Variants in CXXC5 observed in about 807,000 individuals in gnomAD.
CXXC5 encodes the protein CXXC-type zinc finger protein 5.
A neutral mutation model predicts 17.6 loss-of-function variants in CXXC5; 2 were observed. The observed-to-expected ratio is 0.11, with a 90% confidence interval of 0.05 to 0.36. CXXC5 has a LOEUF of 0.36. Ranked by LOEUF, CXXC5 falls within the 10% of genes least tolerant of loss-of-function variation. CXXC5 has a pLI of 1.00. For synonymous variants in CXXC5, 171 were observed against 193.0 expected (o/e 0.89, Z 0.94); for missense variants, 343 against 458.3 (o/e 0.75, Z 2.30).
rs1434394231 is a variant in CXXC5 at position 139,661,080 on chromosome 5, C to T, written c.-161+12235C>T. On this transcript the variant is annotated intron_variant, in intron 1 of 2. Coordinates refer to ENST00000302517, the MANE Select transcript of CXXC5 (RefSeq NM_016463.9). This position sits in a 1 kb window ranked among gnomAD's most constrained non-coding sequence, Gnocchi z 4.7. Reference sequence around the variant, plus strand: ...CAGGACAGCCTCCCCCACCTCCGCCCTCATGCTCTTCCCCATGCTGCAGCC... The same window carrying T: ...CAGGACAGCCTCCCCCACCTCCGCCTTCATGCTCTTCCCCATGCTGCAGCC... Among the ~76,000 whole-genome samples, 1 of 152,174 alleles carries T rather than the reference C, an allele frequency of 6.6e-6. No individual in the cohort carries two copies. The highest frequency in any genetic ancestry group is 1.5e-5 in the Non-Finnish European group (1 of 68,020).
intron 1 of CXXC5, among the ~76,000 whole-genome samples, chr5:139,669,943 C>T (rs780864356): frequency 2.0e-5 from 3 of 152,212 alleles, no homozygotes; most frequent in Non-Finnish European, 4.4e-5. Context: ...TTCTGGCTCC[C>T]GCCTCATGGG....
At chr5:139,680,209 TAAG>T (rs1757099087) in intron 1 of CXXC5, among the ~76,000 whole-genome samples, 152 bp from the exon 2 acceptor site, 1 of 152,196 alleles carries the variant, frequency 6.6e-6, no homozygotes, top group East Asian at 1.9e-4. Context: ...ATAGTACAAA[TAAG>T]AAATTTCTCA....
chr5:139,676,016 C>CCT (rs3051967), intron 1 of CXXC5, among the ~76,000 whole-genome samples: 52,349 of 151,532 alleles, frequency 0.35, 9,485 homozygotes, highest in Middle Eastern at 0.45. Flanking sequence ...TATGAGTCTC[C>CCT]CTCCTTCCAG....
At chr5:139,675,072 T>C in intron 1 of CXXC5, among the ~76,000 whole-genome samples, 1 of 152,176 alleles carries the variant, frequency 6.6e-6, no homozygotes, top group East Asian at 1.9e-4. Flanking sequence ...TTCACGCTGG[T>C]TCATGTGACT....
chr5:139,649,615 A>T (rs1755058151), intron 1 of CXXC5: 1 of 151,646 alleles, frequency 6.6e-6, no homozygotes, highest in South Asian at 2.1e-4. Flanking sequence ...CTCCCCCACC[A>T]CCACGGTGCC....
chr5:139,681,262 G>A lies in CXXC5; in HGVS notation c.739G>A (p.Gly247Arg). ...GGGCCTGGCTGAGTACCCCATGCAG[G>A]GAGAGCTGGCCTCTGCCATCAGCTC... ...MAGLAEYPMQGELASAISSGK... is the reference protein window; with the variant it reads ...MAGLAEYPMQRELASAISSGK... The change falls in exon 2 of 3, where the codon GGA becomes AGA. Residue 247 changes from glycine (G) to arginine (R), a missense_variant. Transcript: ENST00000302517. The A allele has an allele frequency of 6.2e-7, 1 of 1,612,546 alleles. No individual in the cohort carries two copies. Among genetic ancestry groups the A allele is most frequent in the Non-Finnish European group, 8.5e-7 (1 of 1,179,816 alleles).
intron 1 of CXXC5, among the ~76,000 whole-genome samples, chr5:139,653,593 C>A (rs900089989): frequency 3.3e-5 from 5 of 152,190 alleles, no homozygotes; most frequent in African/African-American, 4.8e-5. Flanking sequence ...TGGAACCCCA[C>A]AGTCCTCTGT....
intron 1 of CXXC5, among the ~76,000 whole-genome samples, chr5:139,662,653 C>T (rs185349030): frequency 1.7e-4 from 26 of 152,314 alleles, no homozygotes; most frequent in Non-Finnish European, 1.8e-4. Flanking sequence ...TCTCCATAAA[C>T]GACTGGACCG....
chr5:139,649,155 A>T (rs1428216811), intron 1 of CXXC5: 1 of 152,260 alleles, frequency 6.6e-6, no homozygotes, highest in Non-Finnish European at 1.5e-5. Context: ...AGCCTCCCTA[A>T]GCCGCAGTAT....
At chr5:139,664,184 AG>A (rs1483354562) in intron 1 of CXXC5, among the ~76,000 whole-genome samples, 1 of 149,768 alleles carries the variant, frequency 6.7e-6, no homozygotes, top group Admixed American at 6.6e-5. Context: ...AACTCCAGGG[AG>A]GAGGGTGGAT....
At chr5:139,674,130 G>A (rs1756643695) in intron 1 of CXXC5, among the ~76,000 whole-genome samples, 1 of 152,176 alleles carries the variant, frequency 6.6e-6, no homozygotes, top group Non-Finnish European at 1.5e-5. Flanking sequence ...ATAGCTGGAT[G>A]TGTGCCCTGT....
chr5:139,680,972 G>A lies in CXXC5; in HGVS notation c.449G>A (p.Arg150Gln), dbSNP rs113958458. ...GCCAGCCTGCTGAGCAAGGCAGAGC[G>A]GGCCACGGAGCTGGCAGCCGAGGGA... ...AVASLLSKAE[R>Q]ATELAAEGQL... The change falls in exon 2 of 3, where the codon CGG (arginine) becomes CAG (glutamine). Residue 150 changes from arginine to glutamine, a missense_variant. By Grantham distance (43) the Arg-to-Gln change is conservative. Transcript: ENST00000302517. The A allele has an allele frequency of 2.5e-6, 4 of 1,602,270 alleles. No individual in the cohort carries two copies. Among genetic ancestry groups the A allele is most frequent in the East Asian group, 2.2e-5 (1 of 44,882 alleles).
Position 139,680,561 on chromosome 5 carries a change from G to A in CXXC5, c.38G>A (p.Gly13Asp). Reference sequence around the variant, plus strand: ...GGCGGTGGCTCCCAGGATGCCGGCGGCAGTAGCAGCAGCAGCACCAATGGC... The same window carrying A: ...GGCGGTGGCTCCCAGGATGCCGGCGACAGTAGCAGCAGCAGCACCAATGGC... ...SLGGGSQDAG[G>D]SSSSSTNGSG... Residue 13 changes from glycine (G) to aspartate (D), a missense_variant, in exon 2 of 3, where the codon GGC becomes GAC. Coordinates refer to ENST00000302517, the MANE Select transcript of CXXC5 (RefSeq NM_016463.9). 6.3e-7 allele frequency: 1 copy of A among 1,583,278 alleles called. No individual in the cohort carries two copies. The highest frequency in any genetic ancestry group is 1.1e-5 in the South Asian group (1 of 88,256).
At chr5:139,655,791 G>T (rs1193791648) in intron 1 of CXXC5, among the ~76,000 whole-genome samples, 1 of 151,696 alleles carries the variant, frequency 6.6e-6, no homozygotes, top group Non-Finnish European at 1.5e-5. Context: ...GTGAGAGCTG[G>T]TTTTATTTAT....
intron 1 of CXXC5, among the ~76,000 whole-genome samples, chr5:139,679,012 T>G (rs1757028729): frequency 6.6e-6 from 1 of 152,170 alleles, no homozygotes; most frequent in East Asian, 1.9e-4. Flanking sequence ...GAAACCTGAG[T>G]AGAGCAGGCC....
chr5:139,655,902 A>G (rs993591232), intron 1 of CXXC5, among the ~76,000 whole-genome samples: 23 of 152,184 alleles, frequency 1.5e-4, no homozygotes, highest in Admixed American at 9.2e-4. Context: ...CCTCCCAGGA[A>G]TGTGGCTGGG....
intron 1 of CXXC5, among the ~76,000 whole-genome samples, chr5:139,652,978 C>T (rs1004740467): frequency 1.3e-5 from 2 of 152,192 alleles, no homozygotes; most frequent in African/African-American, 2.4e-5. Flanking sequence ...TCTGTGGTGG[C>T]GGCTGGCTAT....
intron 1 of CXXC5, among the ~76,000 whole-genome samples, chr5:139,677,258 G>A (rs1023770098): frequency 6.6e-6 from 1 of 151,980 alleles, no homozygotes. Context: ...GCTCATTCCC[G>A]CTCCGCTTCA....
chr5:139,669,702 G>C (rs186092671), intron 1 of CXXC5, among the ~76,000 whole-genome samples: 1 of 151,980 alleles, frequency 6.6e-6, no homozygotes, highest in Non-Finnish European at 1.5e-5. Context: ...CCATACTCAC[G>C]CTTTACTTCC....
Sources: gnomAD v4.1 joint callset for allele counts (sites outside exome capture counted in the v4.1 genomes callset) on GRCh38, gnomAD v4.1.1 for gene constraint, Gnocchi (gnomAD v3.1) non-coding constraint, MANE v1.5 for transcripts, NCBI Gene and HGNC (gene_info 2026-07-23, HGNC 2026-07-21) for gene names.